TASOR2: variants seen among roughly 807,000 people sequenced by gnomAD.
The protein encoded by TASOR2 is transcription activation suppressor family member 2.
Under a neutral mutation model 199.5 loss-of-function variants are expected in TASOR2, and 84 were observed. The ratio of observed to expected loss-of-function variants is 0.42; its 90% CI spans 0.35 to 0.50. The LOEUF is 0.50. Among genes scored for constraint, TASOR2 ranks in the 20% least tolerant of loss-of-function variants. The pLI is 0.02. For missense variants in TASOR2, 2,796 were observed against 2,835.9 expected (o/e 0.99, Z 0.32); for synonymous variants, 1,103 against 1,046.6 (o/e 1.05, Z -1.04).
exon 21 of TASOR2, chr10:5,763,328 AG>A (rs1461288934): frequency 5.3e-5 from 16 of 303,454 alleles, no homozygotes; most frequent in Middle Eastern, 8.8e-4. Context: ...ATGTTTACTT[AG>A]TTGGAGCAAA....
At chr10:5,703,024 A>G (rs1278363570) in intron 1 of TASOR2, among the ~76,000 whole-genome samples, 1 of 152,218 alleles carries the variant, frequency 6.6e-6, no homozygotes, top group Non-Finnish European at 1.5e-5. Context: ...TCCTTTGGGT[A>G]TAAAGACTAT....
chr10:5,732,499 A>G (rs2131596562), intron 11 of TASOR2, among the ~76,000 whole-genome samples: 1 of 152,372 alleles, frequency 6.6e-6, no homozygotes, highest in Admixed American at 6.5e-5. Context: ...CGTCTAGGGT[A>G]TGGTAATCCC....
At chr10:5,739,866 A>G (rs1199772715) in exon 13 of TASOR2, 1 of 1,614,092 alleles carries the variant, frequency 6.2e-7, no homozygotes, top group Non-Finnish European at 8.5e-7. Flanking sequence ...ATTGCCACAA[A>G]ATGATGTTTT....
In TASOR2 at chr10:5,737,486, G is replaced by A. The variant is rs911127821; in HGVS notation, c.1447+1940G>A. Among the ~76,000 whole-genome samples the A allele has an allele frequency of 1.1e-4, 17 of 151,436 alleles. No individual in the cohort carries two copies. The highest frequency in any genetic ancestry group is 2.0e-4 in the East Asian group (1 of 5,118). On this transcript the variant is annotated intron_variant, in intron 12 of 20. Coordinates refer to ENST00000328090, the Ensembl canonical transcript of TASOR2. The surrounding 1 kb of genome is among the most constrained non-coding windows in gnomAD (Gnocchi z 4.9). ...GTGTGGCTGTACCTCCCCTCTCTGC[G>A]TTGTGCCTCTGCTGTTGCCACCGTG...
At chr10:5,739,668 CAAG>C (rs1321870357) in exon 13 of TASOR2, 2 of 1,613,788 alleles carry the variant, frequency 1.2e-6, no homozygotes, top group South Asian at 1.1e-5. Flanking sequence ...AAGAGGTTGT[CAAG>C]AAGATGGGAT....
Position 5,748,219 on chromosome 10 carries a change from A to G in TASOR2, c.4798A>G (p.Ile1600Val), listed in dbSNP as rs1477110577. 5 of 1,614,136 alleles carry G rather than the reference A, an allele frequency of 3.1e-6. No individual in the cohort carries two copies. Among genetic ancestry groups the G allele is most frequent in the South Asian group, 1.1e-5 (1 of 91,092 alleles). Reference sequence around the variant, plus strand: ...GGTTTCCACAACTGCACCAAGTGGTATAGTGAATGTGTCAGTAAAACAGCA... The same window carrying G: ...GGTTTCCACAACTGCACCAAGTGGTGTAGTGAATGTGTCAGTAAAACAGCA... Residue 1600 changes from isoleucine to valine, a missense_variant, in exon 15 of 21, where the codon ATA becomes GTA. Coordinates refer to ENST00000328090, the Ensembl canonical transcript of TASOR2. The surrounding 1 kb of genome is among the most constrained non-coding windows in gnomAD (Gnocchi z 5.1).
intron 15 of TASOR2, among the ~76,000 whole-genome samples, chr10:5,753,151 A>G (rs1252300993): frequency 2.0e-5 from 3 of 152,206 alleles, no homozygotes; most frequent in African/African-American, 7.2e-5. Flanking sequence ...ATCTTAGCGG[A>G]TGGAGAAGAG....
Position 5,689,259 on chromosome 10 carries a change from T to C in TASOR2, c.-288+4084T>C, listed in dbSNP as rs1447542893. ...TTTGTTCTGACTGTTTTTTGTGGGT[T>C]CTTTTGTTGTTTGTTTTGATCTTTA... On this transcript the variant is annotated intron_variant, in intron 1 of 20. Transcript: ENST00000328090. This position sits in a 1 kb window ranked among gnomAD's most constrained non-coding sequence, Gnocchi z 4.1. 6.6e-6 allele frequency among the ~76,000 whole-genome samples: 1 copy of C among 152,236 alleles called. No homozygotes were observed. Among genetic ancestry groups the C allele is most frequent in the Non-Finnish European group, 1.5e-5 (1 of 68,048 alleles).
intron 2 of TASOR2, among the ~76,000 whole-genome samples, chr10:5,716,603 G>A (rs1588696122): frequency 6.6e-6 from 1 of 151,778 alleles, no homozygotes; most frequent in African/African-American, 2.4e-5. Context: ...ACCTACCACC[G>A]AAGTTTAGCA....
At chr10:5,691,171 C>A (rs1486760818) in intron 1 of TASOR2, among the ~76,000 whole-genome samples, 2 of 140,332 alleles carry the variant, frequency 1.4e-5, no homozygotes, top group African/African-American at 5.3e-5. Context: ...AGCCTGACGA[C>A]AGAGTGAGAC....
rs2131607940 is a variant in TASOR2, at chr10:5,737,631, ACTT to A, written c.1448-1983_1448-1981del. 6.6e-6 allele frequency among the ~76,000 whole-genome samples: 1 copy of A among 151,906 alleles called. No individual in the cohort carries two copies. Among genetic ancestry groups the A allele is most frequent in the East Asian group, 1.9e-4 (1 of 5,156 alleles). On this transcript the variant is annotated intron_variant, in intron 12 of 20. Transcript: ENST00000328090. This position sits in a 1 kb window ranked among gnomAD's most constrained non-coding sequence, Gnocchi z 4.9. ...ATGTTGTGACTGTAACTAATCTCTC[ACTT>A]CTTTGGGATATTTGAGAACATTCTA...
chr10:5,720,261 GAA>G lies in TASOR2; in HGVS notation c.-99-280_-99-279del. 1 of 985,288 alleles carries G rather than the reference GAA, an allele frequency of 1.0e-6. No individual in the cohort carries two copies. The highest frequency in any genetic ancestry group is 1.2e-6 in the Non-Finnish European group (1 of 829,880). The allele number at this position is 985,288 out of a possible 1,614,324, so 61.0% of individuals were successfully genotyped here. A position where few individuals can be genotyped will look rare whatever the true frequency, so the allele number is the denominator to read the frequency against. On this transcript the variant is annotated intron_variant, in intron 3 of 20. Transcript: ENST00000328090. This position sits in a 1 kb window ranked among gnomAD's most constrained non-coding sequence, Gnocchi z 5.3. ...TTAGTTTTAATATTTTCATTCTAGG[GAA>G]AAGTCAAGTTTGTGTCTGAGAATTA...
intron 1 of TASOR2, among the ~76,000 whole-genome samples, chr10:5,709,950 T>C (rs955331517): frequency 6.6e-6 from 1 of 152,214 alleles, no homozygotes; most frequent in African/African-American, 2.4e-5. Flanking sequence ...TAATGCTTTA[T>C]AGGCAAGCAC....
Position 5,730,791 on chromosome 10 carries a change from T to C in TASOR2, c.792T>C (p.Phe264=), listed in dbSNP as rs752423192. 1 of 1,614,178 alleles carries C rather than the reference T, an allele frequency of 6.2e-7. No individual in the cohort carries two copies. The highest frequency in any genetic ancestry group is 8.5e-7 in the Non-Finnish European group (1 of 1,180,036). The change falls in exon 11 of 21, where the codon TTT becomes TTC. Residue 264 remains phenylalanine, a synonymous_variant. Transcript: ENST00000328090. The surrounding 1 kb of genome is among the most constrained non-coding windows in gnomAD (Gnocchi z 4.1). ...CTTTAACTCAGTTGAACTCTTATTT[T>C]TCAGACCCTAGTGCTTACATTTTGG...
chr10:5,690,550 G>A lies in TASOR2; in HGVS notation c.-288+5375G>A, dbSNP rs193121839. On this transcript the variant is annotated intron_variant, in intron 1 of 20. Transcript: ENST00000328090. This position sits in a 1 kb window ranked among gnomAD's most constrained non-coding sequence, Gnocchi z 4.8. ...GCGTGGGCTACGTGTAGAGGTGGTG[G>A]CCATACATAGTTATCTTTATTCTGG... 9.9e-4 allele frequency among the ~76,000 whole-genome samples: 151 copies of A among 152,234 alleles called. 1 individual carries two copies. The highest frequency in any genetic ancestry group is 3.4e-3 in the African/African-American group (143 of 41,528).
intron 17 of TASOR2, 50 bp from the exon 19 acceptor site, chr10:5,758,837 A>C (rs1367785142): frequency 7.0e-7 from 1 of 1,430,456 alleles, no homozygotes; most frequent in African/African-American, 1.4e-5. Flanking sequence ...GCATGAGCCA[A>C]AAGTACCTTA....
At chr10:5,711,849 C>T (rs533200462) in intron 1 of TASOR2, among the ~76,000 whole-genome samples, 54 of 152,122 alleles carry the variant, frequency 3.5e-4, no homozygotes, top group Non-Finnish European at 7.2e-4. Context: ...ATAGACTCTT[C>T]TTGACGGGTG....
chr10:5,762,700 A>ATATTTGCCATC, intron 20 of TASOR2, 54 bp downstream of exon 21: 1 of 836,480 alleles, frequency 1.2e-6, no homozygotes, highest in Non-Finnish European at 2.0e-6. Context: ...GTTGATGGCA[A>ATATTTGCCATC]ATATTGACAT....
At position 5,730,294 on chromosome 10, in the gene TASOR2, A is replaced by G. The variant is rs1271059239; in HGVS notation, c.488-193A>G. ...TCAGTTCAGTGTGTGTGTGTATGTAATTTCAAGTATATGGAGATACATTTG... is the reference window on the plus strand; with the variant it reads ...TCAGTTCAGTGTGTGTGTGTATGTAGTTTCAAGTATATGGAGATACATTTG... On this transcript the variant is annotated intron_variant, in intron 10 of 20. Coordinates refer to ENST00000328090, the Ensembl canonical transcript of TASOR2. This position sits in a 1 kb window ranked among gnomAD's most constrained non-coding sequence, Gnocchi z 4.1. 6.6e-6 allele frequency among the ~76,000 whole-genome samples: 1 copy of G among 152,124 alleles called. No homozygotes were observed. The highest frequency in any genetic ancestry group is 2.4e-5 in the African/African-American group (1 of 41,424).
Sources: allele counts gnomAD v4.1 joint callset (sites outside exome capture counted in the v4.1 genomes callset), GRCh38; gene constraint gnomAD v4.1.1; non-coding constraint Gnocchi (gnomAD v3.1); transcripts MANE v1.5; gene names NCBI Gene and HGNC (gene_info 2026-07-23, HGNC 2026-07-21).